Variants in HCRTR2 observed in about 807,000 individuals in gnomAD.
HCRTR2 encodes hypocretin receptor 2.
HCRTR2 carries 22 observed loss-of-function variants against 49.0 expected under a neutral mutation model. That is an observed-to-expected ratio of 0.45 (90% CI 0.32 to 0.64). The LOEUF (loss-of-function observed/expected upper bound fraction) is 0.64, where lower values mean the gene tolerates loss of function less well. Ranked by LOEUF, HCRTR2 falls within the 30% of genes least tolerant of loss-of-function variation. The pLI, the probability that HCRTR2 is intolerant of heterozygous loss-of-function variation, is 0.04. For missense variants in HCRTR2, 491 were observed against 559.4 expected (o/e 0.88, Z 1.23); for synonymous variants, 236 against 205.3 (o/e 1.15, Z -1.28).
chr6:55,284,343 A>G (rs1410562058), downstream of HCRTR2, among the ~76,000 whole-genome samples: 1 of 152,184 alleles, frequency 6.6e-6, no homozygotes, highest in East Asian at 1.9e-4. Flanking sequence ...TGTGGTTTCT[A>G]TACCATCGGC....
chr6:55,167,617 A>T (rs1764895393), intron 1 of HCRTR2, among the ~76,000 whole-genome samples: 2 of 151,978 alleles, frequency 1.3e-5, no homozygotes, highest in South Asian at 4.1e-4. Context: ...ATTGTAGAAA[A>T]CTCTCATGTG....
At chr6:55,148,403 T>A (rs919920960) in intron 1 of HCRTR2, among the ~76,000 whole-genome samples, 4 of 152,096 alleles carry the variant, frequency 2.6e-5, no homozygotes, top group African/African-American at 4.8e-5. Flanking sequence ...CATCTAAAAT[T>A]CTGGATTATC....
At position 55,192,923 on chromosome 6, in the gene HCRTR2, C is replaced by T. The variant is rs918866057; in HGVS notation, c.223+18113C>T. On this transcript the variant is annotated intron_variant, in intron 1 of 6. Transcript: ENST00000370862. ...GTACTGGAGGTCTTTTGGATAATGG[C>T]TACAAGGTCACAGGGACTGACTCCT... Among the ~76,000 whole-genome samples the T allele has an allele frequency of 5.3e-5, 8 of 152,250 alleles. No individual in the cohort carries two copies. In the East Asian group the frequency reaches 1.2e-3, roughly 22 times the overall value.
intron 1 of HCRTR2, among the ~76,000 whole-genome samples, chr6:55,220,340 A>G (rs1372758073): frequency 6.6e-6 from 1 of 152,322 alleles, no homozygotes; most frequent in Middle Eastern, 3.4e-3. Flanking sequence ...TCAACAGTGC[A>G]TTAAAAGGAT....
chr6:55,266,943 A>G (rs1012312237), intron 4 of HCRTR2, among the ~76,000 whole-genome samples: 2 of 152,192 alleles, frequency 1.3e-5, no homozygotes, highest in African/African-American at 2.4e-5. Context: ...CTTTTCATGA[A>G]TTATCCTCAT....
rs1035997072 is a variant in HCRTR2 at position 55,271,188 on chromosome 6, C to G, written c.763-6192C>G. 2.0e-5 allele frequency among the ~76,000 whole-genome samples: 3 copies of G among 152,094 alleles called. No individual in the cohort carries two copies. In the South Asian group the frequency reaches 6.2e-4, roughly 31 times the overall value. ...ACTAAGACGGTGTGGTACTTCCATA[C>G]AGTTAGTCATATAGATCAGTGGAAT... On this transcript the variant is annotated intron_variant, in intron 4 of 6. Coordinates refer to ENST00000370862, the MANE Select transcript of HCRTR2 (RefSeq NM_001384272.1).
At chr6:55,229,861 A>G (rs1766081379) in intron 1 of HCRTR2, among the ~76,000 whole-genome samples, 1 of 152,220 alleles carries the variant, frequency 6.6e-6, no homozygotes, top group South Asian at 2.1e-4. Context: ...GCACTTAAAC[A>G]TTTATCAAGA....
chr6:55,202,248 T>A (rs890577127), intron 1 of HCRTR2, among the ~76,000 whole-genome samples: 4 of 152,198 alleles, frequency 2.6e-5, no homozygotes, highest in African/African-American at 9.7e-5. Context: ...GATGGCTGCA[T>A]ATATTTGTTT....
chr6:55,195,282 T>A (rs1765389335), intron 1 of HCRTR2, among the ~76,000 whole-genome samples: 1 of 151,994 alleles, frequency 6.6e-6, no homozygotes, highest in Admixed American at 6.6e-5. Context: ...AGAAAACATA[T>A]CAAAACAACT....
intron 1 of HCRTR2, among the ~76,000 whole-genome samples, chr6:55,238,280 G>A (rs1766252404): frequency 6.6e-6 from 1 of 151,904 alleles, no homozygotes; most frequent in Admixed American, 6.6e-5. Context: ...CCCTCACTAA[G>A]GCCTGATATT....
At chr6:55,223,613 C>G (rs1358782129) in intron 1 of HCRTR2, among the ~76,000 whole-genome samples, 1 of 152,064 alleles carries the variant, frequency 6.6e-6, no homozygotes, top group Non-Finnish European at 1.5e-5. Context: ...ATTCTTGTGT[C>G]TAAATTCAAC....
chr6:55,248,095 G>T lies in HCRTR2; in HGVS notation c.224-544G>T, dbSNP rs530388737. ...TCATTGTCCCTTAAGATTGTTGTCA[G>T]CATTAAACAACATAAGTATATGAAC... On this transcript the variant is annotated intron_variant, in intron 1 of 6. Transcript: ENST00000370862. Among the ~76,000 whole-genome samples the T allele has an allele frequency of 3.9e-5, 6 of 152,146 alleles. No homozygotes were observed. In the South Asian group the frequency reaches 1.2e-3, roughly 32 times the overall value.
At chr6:55,180,711 T>A (rs1765116688) in intron 1 of HCRTR2, among the ~76,000 whole-genome samples, 1 of 152,228 alleles carries the variant, frequency 6.6e-6, no homozygotes, top group Admixed American at 6.5e-5. Flanking sequence ...GATATTTGTT[T>A]ATTTTTCTTT....
chr6:55,221,812 C>CAA lies in HCRTR2; in HGVS notation c.224-26814_224-26813dup, dbSNP rs140340337. On this transcript the variant is annotated intron_variant, in intron 1 of 6. Transcript: ENST00000370862. ...TGGGGGACAGAGCAAGACTCCATCT[C>CAA]AAAAAAAAAAAAAATACAAGATCTG... Among the ~76,000 whole-genome samples, 739 of 128,008 alleles carry CAA rather than the reference C, an allele frequency of 5.8e-3. 6 individuals carry two copies. Among genetic ancestry groups the CAA allele is most frequent in the South Asian group, 0.014 (55 of 3,954 alleles). The allele number at this position is 128,008 out of a possible 152,430, so 84.0% of individuals were successfully genotyped here.
chr6:55,202,947 G>A (rs1765536715), intron 1 of HCRTR2, among the ~76,000 whole-genome samples: 1 of 152,090 alleles, frequency 6.6e-6, no homozygotes, highest in African/African-American at 2.4e-5. Context: ...TTTTATCTGT[G>A]TAATATTTGG....
At chr6:55,264,654 C>T (rs1766829485) in intron 4 of HCRTR2, among the ~76,000 whole-genome samples, 2 of 152,054 alleles carry the variant, frequency 1.3e-5, no homozygotes, top group South Asian at 4.2e-4. Flanking sequence ...AAGGATATTA[C>T]CAACAAACAC....
At chr6:55,206,516 C>G (rs1369080428) in intron 1 of HCRTR2, among the ~76,000 whole-genome samples, 1 of 150,942 alleles carries the variant, frequency 6.6e-6, no homozygotes, top group Non-Finnish European at 1.5e-5. Context: ...CTATGTGAGA[C>G]TATAAAGAGT....
intron 1 of HCRTR2, among the ~76,000 whole-genome samples, chr6:55,231,506 AC>A (rs1337607731): frequency 6.6e-6 from 1 of 151,408 alleles, no homozygotes; most frequent in Non-Finnish European, 1.5e-5. Context: ...TATGGAAAGT[AC>A]TTGCATTTTT....
chr6:55,185,757 T>A (rs1181373202), intron 1 of HCRTR2, among the ~76,000 whole-genome samples: 2 of 152,170 alleles, frequency 1.3e-5, no homozygotes, highest in Non-Finnish European at 2.9e-5. Flanking sequence ...GATGAATAAG[T>A]CCTTGAATTA....
Sources: allele counts gnomAD v4.1 joint callset (sites outside exome capture counted in the v4.1 genomes callset), GRCh38; gene constraint gnomAD v4.1.1; transcripts MANE v1.5; gene names NCBI Gene and HGNC (gene_info 2026-07-23, HGNC 2026-07-21).